PRKAG2: variants seen among roughly 807,000 people sequenced by gnomAD.
PRKAG2 encodes the protein 5'-AMP-activated protein kinase subunit gamma-2.
In PRKAG2, 26 loss-of-function variants were observed where a neutral mutation model predicts 69.6. That is an observed-to-expected ratio of 0.37 (90% confidence interval 0.27 to 0.52). The LOEUF is 0.52. Ranked by LOEUF, PRKAG2 falls within the 20% of genes least tolerant of loss-of-function variation. The pLI is 0.90. For missense variants in PRKAG2, 557 were observed against 740.0 expected (o/e 0.75, Z 2.87); for synonymous variants, 293 against 285.0 (o/e 1.03, Z -0.28).
chr7:151,601,244 G>A (rs1331752060), intron 5 of PRKAG2, among the ~76,000 whole-genome samples: 1 of 152,086 alleles, frequency 6.6e-6, no homozygotes, highest in African/African-American at 2.4e-5. Flanking sequence ...ACCTGGAAAG[G>A]GTAAGGAAAT....
intron 15 of PRKAG2, chr7:151,559,673 T>A (rs914983719): frequency 4.2e-5 from 41 of 985,218 alleles, no homozygotes; most frequent in Non-Finnish European, 4.5e-5. Context: ...AAACTAGTCT[T>A]AACTGAAATT....
chr7:151,808,759 G>A (rs1043476774), intron 1 of PRKAG2, among the ~76,000 whole-genome samples: 5 of 152,054 alleles, frequency 3.3e-5, no homozygotes, highest in Admixed American at 6.5e-5. Context: ...CCTCACAGGC[G>A]AACCACGACA....
intron 3 of PRKAG2, among the ~76,000 whole-genome samples, chr7:151,737,520 C>G (rs76846458): frequency 0.019 from 2,887 of 152,184 alleles, 175 homozygotes; most frequent in East Asian, 0.16. Context: ...GGTGGGATAA[C>G]CTCCCAAAAC....
chr7:151,564,921 A>C (rs923803635), intron 13 of PRKAG2, among the ~76,000 whole-genome samples: 1 of 152,150 alleles, frequency 6.6e-6, no homozygotes, highest in Non-Finnish European at 1.5e-5. Context: ...GGGGCTATAA[A>C]GTGTCAGTCC....
chr7:151,843,158 C>T (rs548660737), intron 1 of PRKAG2, among the ~76,000 whole-genome samples: 2 of 152,244 alleles, frequency 1.3e-5, no homozygotes, highest in South Asian at 4.1e-4. Flanking sequence ...AGTGTACCTA[C>T]AAGTTTTGAT....
At chr7:151,832,821 G>C (rs2079068865) in intron 1 of PRKAG2, among the ~76,000 whole-genome samples, 1 of 152,112 alleles carries the variant, frequency 6.6e-6, no homozygotes. Flanking sequence ...GCCTCCCAGA[G>C]ACCCCTATCC....
intron 3 of PRKAG2, among the ~76,000 whole-genome samples, chr7:151,678,884 A>G (rs540610872): frequency 1.3e-5 from 2 of 152,234 alleles, no homozygotes; most frequent in East Asian, 3.9e-4. Flanking sequence ...GCTTGAACCC[A>G]AGAGGCGGAG....
At chr7:151,702,715 A>C (rs1387759165) in intron 3 of PRKAG2, among the ~76,000 whole-genome samples, 1 of 152,234 alleles carries the variant, frequency 6.6e-6, no homozygotes, top group Non-Finnish European at 1.5e-5. Flanking sequence ...GTTATTGGAT[A>C]ATAAGACTCT....
At chr7:151,875,693 G>C (rs1232450127) in intron 1 of PRKAG2, among the ~76,000 whole-genome samples, 1 of 151,280 alleles carries the variant, frequency 6.6e-6, no homozygotes, top group Non-Finnish European at 1.5e-5. Context: ...ACCCCGCTAC[G>C]TGGAGGCGAG....
intron 4 of PRKAG2, among the ~76,000 whole-genome samples, chr7:151,640,783 TTCTGTTTCC>T (rs1309664544): frequency 7.9e-5 from 12 of 152,326 alleles, no homozygotes; most frequent in African/African-American, 2.9e-4. Context: ...GGATTTACTT[TTCTGTTTCC>T]TCTGAGTCCC....
chr7:151,587,454 G>A (rs1433922382), intron 6 of PRKAG2, among the ~76,000 whole-genome samples: 1 of 152,114 alleles, frequency 6.6e-6, no homozygotes, highest in African/African-American at 2.4e-5. Flanking sequence ...TCCTTCTTGG[G>A]ACTATGGCAT....
At position 151,777,256 on chromosome 7, in the gene PRKAG2, G is replaced by GT. The variant is rs1325583892; in HGVS notation, c.466+3895dup. 2.0e-5 allele frequency among the ~76,000 whole-genome samples: 3 copies of GT among 152,216 alleles called. No individual in the cohort carries two copies. The highest frequency in any genetic ancestry group is 4.4e-5 in the Non-Finnish European group (3 of 68,034). On this transcript the variant is annotated intron_variant, in intron 3 of 15. Coordinates refer to ENST00000287878, the MANE Select transcript of PRKAG2 (RefSeq NM_016203.4). The surrounding 1 kb of genome is among the most constrained non-coding windows in gnomAD (Gnocchi z 4.3). ...CACCAGCAGAGTCATCCCCAGGCCTGTGCCTGCGTTCCCTCACTGTGAGCA... is the reference window on the plus strand; with the variant it reads ...CACCAGCAGAGTCATCCCCAGGCCTGTTGCCTGCGTTCCCTCACTGTGAGCA...
chr7:151,795,890 TCACG>T (rs2077509490), intron 1 of PRKAG2, among the ~76,000 whole-genome samples: 3 of 96,598 alleles, frequency 3.1e-5, no homozygotes, highest in African/African-American at 4.4e-5. Context: ...TATATATATA[TCACG>T]ATAATATGTA....
chr7:151,697,581 A>G (rs1290425241), intron 3 of PRKAG2, among the ~76,000 whole-genome samples: 1 of 152,150 alleles, frequency 6.6e-6, no homozygotes, highest in Non-Finnish European at 1.5e-5. Context: ...CAACCCTCAT[A>G]AGGTCCACAC....
At chr7:151,557,422 C>A (rs1400955494) in intron 15 of PRKAG2, 190 bp from the exon 16 acceptor site, 2 of 985,084 alleles carry the variant, frequency 2.0e-6, no homozygotes, top group Admixed American at 6.2e-5. Context: ...AGCTTGGATC[C>A]ACGTAACATC....
chr7:151,701,086 C>G lies in PRKAG2; in HGVS notation c.467-25449G>C, dbSNP rs549727550. 1.4e-3 allele frequency among the ~76,000 whole-genome samples: 210 copies of G among 152,330 alleles called. 3 individuals are homozygous for G. The highest frequency in any genetic ancestry group is 3.5e-4 in the Non-Finnish European group (24 of 68,022). Reference sequence around the variant, plus strand: ...GCTGTCAGGCACAAGAGTCCACCCCCTTCCACCTCCCACTCCTCAGGGGCT... The same window carrying G: ...GCTGTCAGGCACAAGAGTCCACCCCGTTCCACCTCCCACTCCTCAGGGGCT... On this transcript the variant is annotated intron_variant, in intron 3 of 15. Coordinates refer to ENST00000287878, the MANE Select transcript of PRKAG2 (RefSeq NM_016203.4).
chr7:151,875,485 G>C (rs1044255510), intron 1 of PRKAG2, among the ~76,000 whole-genome samples: 1 of 152,118 alleles, frequency 6.6e-6, no homozygotes, highest in Non-Finnish European at 1.5e-5. Context: ...CTTTAATGAG[G>C]GGTCCGGACA....
At position 151,556,136 on chromosome 7, in the gene PRKAG2, G is replaced by A. The variant is rs1302698338; in HGVS notation, c.*1065C>T. On this transcript the variant is annotated 3_prime_UTR_variant, in exon 16 of 16. Coordinates refer to ENST00000287878, the MANE Select transcript of PRKAG2 (RefSeq NM_016203.4). ...TTCTTTAACAAAATGGTAGATAGTA[G>A]GATCTATTTTAATTTTTCAATCTGA... is the stretch of plus-strand genomic sequence containing the variant. 3.4e-5 allele frequency: 5 copies of A among 147,954 alleles called. No individual in the cohort carries two copies. The highest frequency in any genetic ancestry group is 1.4e-4 in the Admixed American group (2 of 14,812). The allele number at this position is 147,954 out of a possible 1,614,324, so 9.2% of individuals were successfully genotyped here. A position where few individuals can be genotyped will look rare whatever the true frequency, so the allele number is the denominator to read the frequency against.
intron 1 of PRKAG2, among the ~76,000 whole-genome samples, chr7:151,838,763 C>G (rs1307215634): frequency 6.6e-6 from 1 of 151,292 alleles, no homozygotes; most frequent in Non-Finnish European, 1.5e-5. Flanking sequence ...ACCGGTAATC[C>G]CAACACTTTG....
Sources: gnomAD v4.1 joint callset for allele counts (sites outside exome capture counted in the v4.1 genomes callset) on GRCh38, gnomAD v4.1.1 for gene constraint, Gnocchi (gnomAD v3.1) non-coding constraint, MANE v1.5 for transcripts, NCBI Gene and HGNC (gene_info 2026-07-23, HGNC 2026-07-21) for gene names.